Variants in PTPN21 observed in about 807,000 individuals in gnomAD.
PTPN21 encodes the protein protein tyrosine phosphatase non-receptor type 21.
Under a neutral mutation model 131.8 loss-of-function variants are expected in PTPN21, and 77 were observed. That is an observed-to-expected ratio of 0.58 (90% confidence interval 0.49 to 0.71). The LOEUF (loss-of-function observed/expected upper bound fraction) is 0.71, where lower values mean the gene tolerates loss of function less well. Ranked by LOEUF, PTPN21 falls within the 30% of genes least tolerant of loss-of-function variation. The probability of loss-of-function intolerance (pLI) is 0.00; values close to 1 mark genes in which losing one functional copy is unlikely to be tolerated. For missense variants in PTPN21, 1,552 were observed against 1,527.1 expected, an observed-to-expected ratio of 1.02 and a Z score of -0.27; for synonymous variants, 715 against 621.3, an observed-to-expected ratio of 1.15 and a Z score of -2.24.
At chr14:88,517,840 CTA>C (rs1444319304) in intron 2 of PTPN21, among the ~76,000 whole-genome samples, 51 of 143,360 alleles carry the variant, frequency 3.6e-4, no homozygotes, top group South Asian at 2.0e-3. Context: ...TGTATATACA[CTA>C]TATATATGGT....
intron 7 of PTPN21, 94 bp downstream of exon 7, chr14:88,501,187 C>A (rs1447228204): frequency 1.7e-6 from 2 of 1,166,188 alleles, no homozygotes; most frequent in Admixed American, 1.8e-5. Flanking sequence ...ACGTCCTCAG[C>A]CTTTGCACAT....
chr14:88,469,672 A>G lies in PTPN21; in HGVS notation c.3062T>C (p.Val1021Ala), dbSNP rs2077425990. 1 of 1,614,170 alleles carries G rather than the reference A, an allele frequency of 6.2e-7. No individual in the cohort carries two copies. Among genetic ancestry groups the G allele is most frequent in the East Asian group, 2.2e-5 (1 of 44,876 alleles). ...CGTGATCTTAAACCTTCCATAGGTG[A>G]CAGTGTTGTGCCTGGAACCAAGTCG... ...WPRLGSRHNT[V>A]TYGRFKITTR... Residue 1021 changes from valine to alanine, a missense_variant, in exon 17 of 19, where the codon GTC becomes GCC. By Grantham distance (64) the Val-to-Ala change is moderately conservative. Coordinates refer to ENST00000556564, the MANE Select transcript of PTPN21 (RefSeq NM_007039.4). The surrounding 1 kb of genome is among the most constrained non-coding windows in gnomAD (Gnocchi z 4.3).
intron 10 of PTPN21, among the ~76,000 whole-genome samples, chr14:88,491,488 T>C (rs2077823266): frequency 6.6e-6 from 1 of 152,206 alleles, no homozygotes. Flanking sequence ...TATCACGCTT[T>C]AGTTTACCCA....
At chr14:88,492,175 T>A (rs545849535) in intron 10 of PTPN21, among the ~76,000 whole-genome samples, 1 of 152,228 alleles carries the variant, frequency 6.6e-6, no homozygotes, top group Admixed American at 6.5e-5. Context: ...AGAAACAAAC[T>A]GAGGTAATAA....
intron 12 of PTPN21, among the ~76,000 whole-genome samples, chr14:88,483,899 C>A (rs2077691062): frequency 6.6e-6 from 1 of 152,078 alleles, no homozygotes; most frequent in Non-Finnish European, 1.5e-5. Context: ...CTTAGAAAGG[C>A]AGAGGCAGGA....
chr14:88,532,359 T>C (rs1485505012), intron 2 of PTPN21, among the ~76,000 whole-genome samples: 1 of 152,166 alleles, frequency 6.6e-6, no homozygotes, highest in East Asian at 1.9e-4. Context: ...ACAAATTCAG[T>C]TCATTAAGTC....
intron 8 of PTPN21, among the ~76,000 whole-genome samples, chr14:88,497,507 C>T (rs1396261354): frequency 2.0e-5 from 3 of 152,154 alleles, no homozygotes; most frequent in African/African-American, 4.8e-5. Context: ...CAGTGGCTCA[C>T]GCCTGTAATC....
intron 13 of PTPN21, among the ~76,000 whole-genome samples, chr14:88,474,482 C>G (rs751839683): frequency 6.6e-6 from 1 of 152,070 alleles, no homozygotes; most frequent in Non-Finnish European, 1.5e-5. Context: ...CATGCCCGGA[C>G]AGCTTTTTAT....
intron 4 of PTPN21, 45 bp downstream of exon 4, chr14:88,507,878 T>C: frequency 2.4e-6 from 3 of 1,253,004 alleles, no homozygotes; most frequent in Non-Finnish European, 3.4e-6. Context: ...TTGTAACACA[T>C]TTTAATCTGA....
intron 14 of PTPN21, among the ~76,000 whole-genome samples, chr14:88,473,139 T>TATAAAATG (rs1488560999): frequency 6.6e-6 from 1 of 152,088 alleles, no homozygotes; most frequent in African/African-American, 2.4e-5. Flanking sequence ...TTTTATGTCA[T>TATAAAATG]ACGATATATA....
At chr14:88,531,472 G>A (rs2078554532) in intron 2 of PTPN21, among the ~76,000 whole-genome samples, 1 of 152,128 alleles carries the variant, frequency 6.6e-6, no homozygotes, top group Admixed American at 6.6e-5. Flanking sequence ...CAGGAGAATT[G>A]CTTGAACCAG....
In PTPN21 at chr14:88,468,145, G is replaced by C. The variant is rs1256870182; in HGVS notation, c.3517C>G (p.Leu1173Val). 3.1e-6 allele frequency: 5 copies of C among 1,613,880 alleles called. No individual in the cohort carries two copies. Among genetic ancestry groups the C allele is most frequent in the Non-Finnish European group, 4.2e-6 (5 of 1,179,882 alleles). The change falls in exon 19 of 19, where the codon CTC becomes GTC. Residue 1173 changes from leucine (L) to valine (V), a missense_variant. Transcript: ENST00000556564. ...TAAGAAATTGTGGGAGCTTAGATGA[G>C]CCTGGAGCTTTTCAGGAACTGGATG... The part of the protein sequence containing the change: ...VLIQFLKSSR[L>V]I
At chr14:88,532,441 C>T (rs1258405486) in intron 2 of PTPN21, among the ~76,000 whole-genome samples, 1 of 152,154 alleles carries the variant, frequency 6.6e-6, no homozygotes, top group Non-Finnish European at 1.5e-5. Flanking sequence ...AATATCTATA[C>T]TTACGTCAAG....
At chr14:88,523,792 T>C (rs543983851) in intron 2 of PTPN21, among the ~76,000 whole-genome samples, 1 of 151,272 alleles carries the variant, frequency 6.6e-6, no homozygotes, top group South Asian at 2.1e-4. Context: ...TCAGTGAAGT[T>C]TGCAGGGTAC....
chr14:88,517,030 A>C, intron 3 of PTPN21, 62 bp downstream of exon 3: 2 of 1,558,800 alleles, frequency 1.3e-6, no homozygotes, highest in Non-Finnish European at 1.7e-6. Context: ...CTTCAACCTT[A>C]GTTTCACTTT....
intron 2 of PTPN21, among the ~76,000 whole-genome samples, chr14:88,518,949 G>T (rs2078346717): frequency 6.7e-6 from 1 of 149,218 alleles, no homozygotes; most frequent in Non-Finnish European, 1.5e-5. Flanking sequence ...CAATTATAAT[G>T]CTGTGAAGGT....
At chr14:88,510,546 A>G (rs2078161312) in intron 3 of PTPN21, among the ~76,000 whole-genome samples, 2 of 151,022 alleles carry the variant, frequency 1.3e-5, no homozygotes, top group Admixed American at 6.6e-5. Context: ...ACAGTTATAG[A>G]TATTTCTAGT....
intron 10 of PTPN21, among the ~76,000 whole-genome samples, chr14:88,489,504 A>T (rs1188483654): frequency 6.6e-6 from 1 of 152,008 alleles, no homozygotes; most frequent in African/African-American, 2.4e-5. Flanking sequence ...TTAGCCAGGC[A>T]TGGTGGCACA....
At chr14:88,477,446 T>TCAAAAAAA (rs369022409) in intron 13 of PTPN21, among the ~76,000 whole-genome samples, 1,101 of 76,202 alleles carry the variant, frequency 0.014, 104 homozygotes, top group South Asian at 0.028. Flanking sequence ...AAGACTGTTC[T>TCAAAAAAA]AAAAAAAAAA....
Sources: allele counts gnomAD v4.1 joint callset (sites outside exome capture counted in the v4.1 genomes callset), GRCh38; gene constraint gnomAD v4.1.1; non-coding constraint Gnocchi (gnomAD v3.1); transcripts MANE v1.5; gene names NCBI Gene and HGNC (gene_info 2026-07-23, HGNC 2026-07-21).